SYN2: variants seen among roughly 807,000 people sequenced by gnomAD.
SYN2 encodes the protein synapsin-2.
SYN2 carries 19 observed loss-of-function variants against 50.9 expected under a neutral mutation model. The ratio of observed to expected loss-of-function variants is 0.37; its 90% CI spans 0.26 to 0.55. SYN2 has a LOEUF of 0.55. Among genes scored for constraint, SYN2 ranks in the 20% least tolerant of loss-of-function variants. The probability of loss-of-function intolerance (pLI) is 0.81; values close to 1 mark genes in which losing one functional copy is unlikely to be tolerated. For synonymous variants in SYN2, 255 were observed against 224.9 expected (o/e 1.13, Z -1.20); for missense variants, 587 against 576.4 (o/e 1.02, Z -0.19).
chr3:12,006,000 T>TG (rs1429570527), intron 1 of SYN2, among the ~76,000 whole-genome samples: 1 of 151,966 alleles, frequency 6.6e-6, no homozygotes, highest in Non-Finnish European at 1.5e-5. Flanking sequence ...GGTTTTGTTT[T>TG]TTTTTTTTTC....
intron 1 of SYN2, among the ~76,000 whole-genome samples, chr3:12,041,578 T>G (rs988778329): frequency 6.6e-6 from 1 of 152,216 alleles, no homozygotes; most frequent in African/African-American, 2.4e-5. Context: ...GTCATGATTT[T>G]AGCAACCAGT....
intron 11 of SYN2, chr3:12,183,583 G>C: frequency 1.3e-5 from 20 of 1,489,682 alleles, no homozygotes; most frequent in Non-Finnish European, 1.8e-5. Flanking sequence ...TTCCTATGCA[G>C]TGTCAGCTCC....
At chr3:12,015,633 C>A (rs1359970508) in intron 1 of SYN2, among the ~76,000 whole-genome samples, 1 of 152,154 alleles carries the variant, frequency 6.6e-6, no homozygotes, top group Non-Finnish European at 1.5e-5. Context: ...ATTTCCTACA[C>A]CTTCCGTTAC....
chr3:12,187,875 C>T (rs1486995430), intron 12 of SYN2, among the ~76,000 whole-genome samples: 1 of 152,046 alleles, frequency 6.6e-6, no homozygotes, highest in East Asian at 1.9e-4. Context: ...AAATTCAACC[C>T]CCTTCCCTTT....
intron 1 of SYN2, among the ~76,000 whole-genome samples, chr3:12,118,380 T>A (rs1261737943): frequency 2.0e-5 from 3 of 152,078 alleles, no homozygotes; most frequent in African/African-American, 7.2e-5. Flanking sequence ...CTGGGTAACA[T>A]AGCGAGACCC....
chr3:12,029,842 C>CGA (rs1694342589), intron 1 of SYN2, among the ~76,000 whole-genome samples: 1 of 99,782 alleles, frequency 1.0e-5, no homozygotes, highest in Non-Finnish European at 1.8e-5. Context: ...ATTTGACTTC[C>CGA]TCTTTTCCTA....
intron 1 of SYN2, among the ~76,000 whole-genome samples, chr3:12,118,422 A>G (rs1696481911): frequency 6.6e-6 from 1 of 152,234 alleles, no homozygotes. Flanking sequence ...GAATGAATAA[A>G]TTACAAACAC....
intron 7 of SYN2, among the ~76,000 whole-genome samples, chr3:12,164,390 T>A (rs1042060372): frequency 5.3e-5 from 8 of 152,228 alleles, no homozygotes; most frequent in Admixed American, 6.5e-5. Flanking sequence ...TTTATTTACT[T>A]TTTTGGTGTG....
At chr3:12,174,318 C>T (rs1223797476) in intron 10 of SYN2, among the ~76,000 whole-genome samples, 1 of 152,062 alleles carries the variant, frequency 6.6e-6, no homozygotes, top group Non-Finnish European at 1.5e-5. Flanking sequence ...TCTAGTTTTT[C>T]CCCTTAGTCC....
At position 12,025,852 on chromosome 3, in the gene SYN2, A is replaced by G. The variant is rs189301925; in HGVS notation, c.377+20924A>G. Among the ~76,000 whole-genome samples, 773 of 152,266 alleles carry G rather than the reference A, an allele frequency of 5.1e-3. 6 individuals are homozygous for G. The highest frequency in any genetic ancestry group is 5.7e-3 in the Non-Finnish European group (386 of 68,018). On this transcript the variant is annotated intron_variant, in intron 1 of 12. Coordinates refer to ENST00000621198, the MANE Select transcript of SYN2 (RefSeq NM_133625.6). Reference sequence around the variant, plus strand: ...AGTCATTCAGACTGTCTCAAGGTAGATATTATACTGACACATCCTCTCCTC... The same window carrying G: ...AGTCATTCAGACTGTCTCAAGGTAGGTATTATACTGACACATCCTCTCCTC...
Position 12,138,447 on chromosome 3 carries a change from A to G in SYN2, c.378-2204A>G, listed in dbSNP as rs546943360. Among the ~76,000 whole-genome samples the G allele has an allele frequency of 2.6e-5, 4 of 152,362 alleles. No individual in the cohort carries two copies. In the South Asian group the frequency reaches 6.2e-4, roughly 24 times the overall value. ...AGCCAGAGTCTATAAATATATTTCA[A>G]TATCAGTGTTCAAAACCCACAAAAT... On this transcript the variant is annotated intron_variant, in intron 1 of 12. Transcript: ENST00000621198.
At chr3:12,026,880 TG>T in intron 1 of SYN2, among the ~76,000 whole-genome samples, 2 of 152,336 alleles carry the variant, frequency 1.3e-5, no homozygotes, top group East Asian at 3.9e-4. Flanking sequence ...CAGCAGTGTT[TG>T]GATGTTAACT....
intron 1 of SYN2, among the ~76,000 whole-genome samples, chr3:12,016,986 G>A (rs974272090): frequency 6.6e-6 from 1 of 152,106 alleles, no homozygotes; most frequent in Non-Finnish European, 1.5e-5. Context: ...TCTTTATATA[G>A]TCAAACAATA....
rs748777885 is a variant in SYN2, at chr3:12,154,401, C to G, written c.774+3075C>G. ...ACCAAGGACAGGTCCTCCCAGGGCTCGATGTAGTTGCACAGATGGATGAAG... is the reference window on the plus strand; with the variant it reads ...ACCAAGGACAGGTCCTCCCAGGGCTGGATGTAGTTGCACAGATGGATGAAG... On this transcript the variant is annotated intron_variant, in intron 5 of 12. Coordinates refer to ENST00000621198, the MANE Select transcript of SYN2 (RefSeq NM_133625.6). The G allele has an allele frequency of 2.1e-5, 34 of 1,614,026 alleles. No homozygotes were observed. Among genetic ancestry groups the G allele is most frequent in the African/African-American group, 2.7e-5 (2 of 74,900 alleles).
At chr3:12,158,504 T>C in intron 5 of SYN2, 1 of 702,906 alleles carries the variant, frequency 1.4e-6, no homozygotes. Context: ...AATCTTCATT[T>C]CCTTATGAAT....
chr3:12,167,999 C>G (rs1319725251), intron 8 of SYN2, among the ~76,000 whole-genome samples: 1 of 152,104 alleles, frequency 6.6e-6, no homozygotes, highest in Non-Finnish European at 1.5e-5. Context: ...GGATTGATGG[C>G]CTAGAGTACC....
At chr3:12,100,837 A>G (rs965175545) in intron 1 of SYN2, among the ~76,000 whole-genome samples, 1 of 152,192 alleles carries the variant, frequency 6.6e-6, no homozygotes, top group African/African-American at 2.4e-5. Flanking sequence ...AAGAACTTGT[A>G]CAAATGGCCA....
At chr3:12,099,046 CAG>C (rs1267172496) in intron 1 of SYN2, among the ~76,000 whole-genome samples, 1 of 151,804 alleles carries the variant, frequency 6.6e-6, no homozygotes, top group Non-Finnish European at 1.5e-5. Flanking sequence ...CACCTAATAA[CAG>C]AGCTTCAACA....
At position 12,168,368 on chromosome 3, in the gene SYN2, A is replaced by T. The variant is rs1032810458; in HGVS notation, c.1056-8A>T. On this transcript the variant is annotated splice_region_variant and splice_polypyrimidine_tract_variant and intron_variant, in intron 8 of 12. Coordinates refer to ENST00000621198, the MANE Select transcript of SYN2 (RefSeq NM_133625.6). ...CCCAGCTTCAGGACACCTTCCCATC[A>T]CCTCCAGGTACAAACTGTGGGTGGA... 1 of 1,612,146 alleles carries T rather than the reference A, an allele frequency of 6.2e-7. No individual in the cohort carries two copies. Among genetic ancestry groups the T allele is most frequent in the Admixed American group, 1.7e-5 (1 of 59,782 alleles).
Sources: allele counts gnomAD v4.1 joint callset (sites outside exome capture counted in the v4.1 genomes callset), GRCh38; gene constraint gnomAD v4.1.1; transcripts MANE v1.5; gene names NCBI Gene and HGNC (gene_info 2026-07-23, HGNC 2026-07-21).